The following SPTSSA variants were observed in gnomAD, a reference collection of about 807,000 sequenced individuals.
SPTSSA encodes serine palmitoyltransferase small subunit A.
Under a neutral mutation model 9.1 loss-of-function variants are expected in SPTSSA, and 8 were observed. The ratio of observed to expected loss-of-function variants is 0.88; its 90% confidence interval spans 0.51 to 1.58. The LOEUF is 1.58. Among genes scored for constraint, SPTSSA ranks in the 40% most tolerant of loss-of-function variants. SPTSSA has a pLI of 0.00. For missense variants in SPTSSA, 100 were observed against 93.8 expected, an observed-to-expected ratio of 1.07 and a Z score of -0.27; for synonymous variants, 42 against 37.7, an observed-to-expected ratio of 1.11 and a Z score of -0.41.
intron 1 of SPTSSA, among the ~76,000 whole-genome samples, chr14:34,438,800 T>G (rs1181329346): frequency 6.6e-6 from 1 of 152,168 alleles, no homozygotes; most frequent in African/African-American, 2.4e-5. Context: ...TATCATCCTT[T>G]ACTTAGATGA....
At chr14:34,447,698 G>GACCAA (rs1302906336) in intron 1 of SPTSSA, among the ~76,000 whole-genome samples, 1 of 152,156 alleles carries the variant, frequency 6.6e-6, no homozygotes, top group Non-Finnish European at 1.5e-5. Flanking sequence ...GGCCCCAACA[G>GACCAA]ACCAAACCAA....
Position 34,434,359 on chromosome 14 carries a change from A to G in SPTSSA, c.*842T>C, listed in dbSNP as rs965073618. On this transcript the variant is annotated 3_prime_UTR_variant, in exon 2 of 2. Transcript: ENST00000298130. ...AATGCAATGTGCAAATGCAGCACCC[A>G]TTACAATCATTAAACTAAATTTAAG... 3 of 152,786 alleles carry G rather than the reference A, an allele frequency of 2.0e-5. No individual in the cohort carries two copies. The highest frequency in any genetic ancestry group is 3.4e-3 in the Middle Eastern group (1 of 294). The allele number at this position is 152,786 out of a possible 1,614,324, so 9.5% of individuals were successfully genotyped here. A position where few individuals can be genotyped will look rare whatever the true frequency, so the allele number is the denominator to read the frequency against.
intron 1 of SPTSSA, among the ~76,000 whole-genome samples, chr14:34,444,553 A>C (rs112154214): frequency 0.011 from 1,659 of 152,216 alleles, 33 homozygotes; most frequent in African/African-American, 0.038. Flanking sequence ...ACAGTTCAAG[A>C]CCATCCTGGC....
intron 1 of SPTSSA, among the ~76,000 whole-genome samples, chr14:34,444,849 C>G (rs1468773502): frequency 6.6e-6 from 1 of 152,034 alleles, no homozygotes; most frequent in Non-Finnish European, 1.5e-5. Context: ...AATCCCAACA[C>G]TTTGAGAGAA....
rs1398098147 is a variant in SPTSSA at position 34,435,231 on chromosome 14, C to T, written c.186G>A (p.Ala62=). The T allele has an allele frequency of 1.2e-5, 19 of 1,613,614 alleles. No homozygotes were observed. In the African/African-American group the frequency reaches 1.6e-4, roughly 14 times the overall value. The change falls in exon 2 of 2, where the codon GCG becomes GCA. Residue 62 remains alanine (A), a synonymous_variant. Transcript: ENST00000298130. ...GYVFMPQHIM[A]ILHYFEIVQ Reference sequence around the variant, plus strand: ...GTACGATTTCAAAGTAGTGCAATATCGCCATGATGTGCTGGGGCATGAAGA... The same window carrying T: ...GTACGATTTCAAAGTAGTGCAATATTGCCATGATGTGCTGGGGCATGAAGA...
At chr14:34,446,451 G>T (rs1474133358) in intron 1 of SPTSSA, among the ~76,000 whole-genome samples, 1 of 152,240 alleles carries the variant, frequency 6.6e-6, no homozygotes, top group African/African-American at 2.4e-5. Flanking sequence ...TTTATGGAGT[G>T]TACTTTTATT....
At chr14:34,456,586 CTT>C (rs1878477183) in intron 1 of SPTSSA, among the ~76,000 whole-genome samples, 1 of 151,744 alleles carries the variant, frequency 6.6e-6, no homozygotes, top group South Asian at 2.1e-4. Flanking sequence ...ACTAATATGA[CTT>C]TATTTTTTAA....
In SPTSSA at chr14:34,447,051, G is replaced by A. The variant is rs111418599; in HGVS notation, c.113-11747C>T. Among the ~76,000 whole-genome samples the A allele has an allele frequency of 4.6e-3, 704 of 151,444 alleles. 10 individuals are homozygous for A. The highest frequency in any genetic ancestry group is 0.014 in the African/African-American group (572 of 41,302). ...CCAGCCTGGCCAACATAGTGAAACC[G>A]CGTCTCTACTAAAAATACAAAAATT... On this transcript the variant is annotated intron_variant, in intron 1 of 1. Transcript: ENST00000298130.
intron 1 of SPTSSA, among the ~76,000 whole-genome samples, chr14:34,450,487 A>C (rs1445146933): frequency 1.3e-5 from 2 of 152,248 alleles, no homozygotes; most frequent in Admixed American, 1.3e-4. Flanking sequence ...TATACAAAGT[A>C]ATGGAGTAAT....
intron 1 of SPTSSA, among the ~76,000 whole-genome samples, chr14:34,438,713 G>A (rs1281209265): frequency 6.6e-6 from 1 of 151,980 alleles, no homozygotes. Context: ...TGACTTCTCA[G>A]TTCTTCCCCA....
At chr14:34,442,983 T>A (rs7158740) in intron 1 of SPTSSA, among the ~76,000 whole-genome samples, 1,557 of 148,434 alleles carry the variant, frequency 0.01, 19 homozygotes, top group Middle Eastern at 0.032. Context: ...TGTGTGTGTG[T>A]GAGATGGAGT....
chr14:34,456,279 G>A (rs531888930), intron 1 of SPTSSA, among the ~76,000 whole-genome samples: 3 of 152,140 alleles, frequency 2.0e-5, no homozygotes, highest in South Asian at 4.2e-4. Context: ...CTGAGATCGC[G>A]TCATTGCACT....
At chr14:34,435,623 CT>C (rs769896697) in intron 1 of SPTSSA, among the ~76,000 whole-genome samples, 1,065 of 92,434 alleles carry the variant, frequency 0.012, 7 homozygotes, top group African/African-American at 0.043. Flanking sequence ...GTTTGTTTCT[CT>C]TTTTTTTTTT....
At chr14:34,446,881 T>C (rs749490692) in intron 1 of SPTSSA, among the ~76,000 whole-genome samples, 1 of 152,086 alleles carries the variant, frequency 6.6e-6, no homozygotes, top group Non-Finnish European at 1.5e-5. Context: ...TATCGAGAAA[T>C]ACATAGAATG....
At chr14:34,453,452 A>G (rs970001864) in intron 1 of SPTSSA, among the ~76,000 whole-genome samples, 1 of 152,220 alleles carries the variant, frequency 6.6e-6, no homozygotes, top group African/African-American at 2.4e-5. Flanking sequence ...ATGGCAGCCC[A>G]CACTGTCTGT....
chr14:34,462,056 C>T (rs777829929), intron 1 of SPTSSA, 40 bp downstream of exon 1: 2 of 1,298,990 alleles, frequency 1.5e-6, no homozygotes, highest in South Asian at 3.9e-5. Flanking sequence ...CGGCCCGCGC[C>T]CCCAGCCCGG....
chr14:34,439,095 G>A (rs573825882), intron 1 of SPTSSA, among the ~76,000 whole-genome samples: 1 of 152,222 alleles, frequency 6.6e-6, no homozygotes, highest in African/African-American at 2.4e-5. Context: ...AAGCTAAGTA[G>A]GGACAGAGTC....
intron 1 of SPTSSA, among the ~76,000 whole-genome samples, chr14:34,451,499 A>G (rs538005300): frequency 0.021 from 3,215 of 152,176 alleles, 51 homozygotes; most frequent in Middle Eastern, 0.034. Flanking sequence ...CAAGGTGGGC[A>G]GATCACGAGG....
At chr14:34,449,874 G>A (rs112565379) in intron 1 of SPTSSA, among the ~76,000 whole-genome samples, 2,965 of 152,200 alleles carry the variant, frequency 0.019, 102 homozygotes, top group African/African-American at 0.068. Context: ...AGAGTATACC[G>A]GCTATAATTT....
Sources: allele counts gnomAD v4.1 joint callset (sites outside exome capture counted in the v4.1 genomes callset), GRCh38; gene constraint gnomAD v4.1.1; transcripts MANE v1.5; gene names NCBI Gene and HGNC (gene_info 2026-07-23, HGNC 2026-07-21).